Variants in SGO2 observed in about 807,000 individuals in gnomAD.
SGO2 encodes the protein shugoshin-like 2.
In SGO2, 68 loss-of-function variants were observed where a neutral mutation model predicts 99.5. The ratio of observed to expected loss-of-function variants is 0.68; its 90% CI spans 0.56 to 0.84. The LOEUF (loss-of-function observed/expected upper bound fraction) is 0.84, where lower values mean the gene tolerates loss of function less well. Among genes scored for constraint, SGO2 ranks in the 40% least tolerant of loss-of-function variants. SGO2 has a pLI of 0.00. For missense variants in SGO2, 1,350 were observed against 1,436.7 expected, an observed-to-expected ratio of 0.94 and a Z score of 0.97; for synonymous variants, 457 against 487.1, an observed-to-expected ratio of 0.94 and a Z score of 0.81.
intron 5 of SGO2, among the ~76,000 whole-genome samples, chr2:200,564,622 T>A (rs1408739589): frequency 6.6e-6 from 1 of 152,016 alleles, no homozygotes; most frequent in Non-Finnish European, 1.5e-5. Flanking sequence ...TCCTTGTTAA[T>A]TTTCTGTCTC....
chr2:200,549,867 G>T (rs879503936), intron 5 of SGO2, among the ~76,000 whole-genome samples: 21 of 152,114 alleles, frequency 1.4e-4, no homozygotes, highest in African/African-American at 4.3e-4. Flanking sequence ...TGAAGTACTG[G>T]CCAGAGCAAC....
chr2:200,562,191 T>C (rs1288785358), intron 5 of SGO2, among the ~76,000 whole-genome samples: 2 of 152,208 alleles, frequency 1.3e-5, no homozygotes, highest in Non-Finnish European at 2.9e-5. Context: ...TGGTTTTAGG[T>C]CTAACATGTA....
In SGO2 at chr2:200,570,675, CCTGTTGATAGT is replaced by C. The variant is rs2033377455; in HGVS notation, c.704-372_704-362del. On this transcript the variant is annotated intron_variant, in intron 6 of 8. Coordinates refer to ENST00000357799, the MANE Select transcript of SGO2 (RefSeq NM_152524.6). The surrounding 1 kb of genome is among the most constrained non-coding windows in gnomAD (Gnocchi z 4.4). Reference sequence around the variant, plus strand: ...ATATAATTTATATAAATTTTAGCTGCCTGTTGATAGTCTTTGATAGCAATCCTTTTCAGAGC... The same window carrying C: ...ATATAATTTATATAAATTTTAGCTGCCTTTGATAGCAATCCTTTTCAGAGC... 6.6e-6 allele frequency among the ~76,000 whole-genome samples: 1 copy of C among 151,036 alleles called. No individual in the cohort carries two copies. The highest frequency in any genetic ancestry group is 1.5e-5 in the Non-Finnish European group (1 of 67,694).
At chr2:200,542,089 G>C (rs930771262) in intron 4 of SGO2, among the ~76,000 whole-genome samples, 1 of 151,884 alleles carries the variant, frequency 6.6e-6, no homozygotes, top group Non-Finnish European at 1.5e-5. Context: ...AAAAAACATG[G>C]TTGTGTGTTG....
chr2:200,537,248 C>T (rs952738400), intron 4 of SGO2, among the ~76,000 whole-genome samples: 4 of 152,196 alleles, frequency 2.6e-5, no homozygotes, highest in African/African-American at 9.6e-5. Flanking sequence ...TTTTCCCTCC[C>T]TTCTGGATTA....
intron 1 of SGO2, among the ~76,000 whole-genome samples, chr2:200,529,082 CTG>C (rs2031240609): frequency 6.6e-6 from 1 of 152,118 alleles, no homozygotes; most frequent in African/African-American, 2.4e-5. Flanking sequence ...TCAAGAGAGA[CTG>C]GGAGGAGATA....
chr2:200,535,606 T>C (rs953329734), intron 3 of SGO2, among the ~76,000 whole-genome samples: 2 of 152,144 alleles, frequency 1.3e-5, no homozygotes, highest in Non-Finnish European at 2.9e-5. Flanking sequence ...ATTTCAACTC[T>C]GTTCACAGAC....
chr2:200,561,990 C>T (rs1489660212), intron 5 of SGO2, among the ~76,000 whole-genome samples: 1 of 152,098 alleles, frequency 6.6e-6, no homozygotes, highest in African/African-American at 2.4e-5. Flanking sequence ...CAAAAATTTT[C>T]TCCCATTTTG....
In SGO2 at chr2:200,572,461, A is replaced by T; in HGVS notation, c.2115A>T (p.Glu705Asp). The change falls in exon 7 of 9, where the codon GAA becomes GAT. Residue 705 changes from glutamate to aspartate, a missense_variant. Glu to Asp is a conservative substitution (Grantham distance 45, BLOSUM62 2). Transcript: ENST00000357799. ...ATATGTACCCCGTTCAGCAAAATGA[A>T]TCAAAAGTTAATAAGAAGCTTAGGC... ...ITNMYPVQQN[E>D]SKVNKKLRQK... The T allele has an allele frequency of 6.2e-7, 1 of 1,613,306 alleles. No homozygotes were observed. The highest frequency in any genetic ancestry group is 8.5e-7 in the Non-Finnish European group (1 of 1,179,548).
chr2:200,533,897 T>G lies in SGO2; in HGVS notation c.133+789T>G, dbSNP rs551600357. On this transcript the variant is annotated intron_variant, in intron 2 of 8. Coordinates refer to ENST00000357799, the MANE Select transcript of SGO2 (RefSeq NM_152524.6). ...CTTACACTGGCTCTTGCTTACTCCCTTTGGCAAGACTATTCCACACCCCCT... is the reference window on the plus strand; with the variant it reads ...CTTACACTGGCTCTTGCTTACTCCCGTTGGCAAGACTATTCCACACCCCCT... Among the ~76,000 whole-genome samples, 23 of 152,248 alleles carry G rather than the reference T, an allele frequency of 1.5e-4. No individual in the cohort carries two copies. In the South Asian group the frequency reaches 4.6e-3, roughly 30 times the overall value.
chr2:200,538,533 T>C (rs989306196), intron 4 of SGO2, among the ~76,000 whole-genome samples: 2 of 152,224 alleles, frequency 1.3e-5, no homozygotes, highest in African/African-American at 4.8e-5. Context: ...TTATTGTTCA[T>C]CCCATCAGAA....
chr2:200,579,225 A>G (rs2033760566), intron 8 of SGO2, among the ~76,000 whole-genome samples: 1 of 152,178 alleles, frequency 6.6e-6, no homozygotes, highest in South Asian at 2.1e-4. Context: ...GTCAGTTTAT[A>G]TCTTGTTACT....
intron 5 of SGO2, among the ~76,000 whole-genome samples, chr2:200,546,619 C>T (rs1044642343): frequency 6.6e-5 from 10 of 151,570 alleles, no homozygotes; most frequent in African/African-American, 2.4e-4. Context: ...CAGTGATCTC[C>T]AAGATAACAA....
Position 200,573,020 on chromosome 2 carries a change from G to C in SGO2, c.2674G>C (p.Asp892His). ...ATTGGAGTTGAAAAAGTATGTTACT[G>C]ATAGGAAATCTGCTGAGCAAAATGA... The part of the protein sequence containing the change: ...NILELKKYVT[D>H]RKSAEQNESK... Residue 892 changes from aspartate (D) to histidine (H), a missense_variant, in exon 7 of 9, where the codon GAT becomes CAT. Coordinates refer to ENST00000357799, the MANE Select transcript of SGO2 (RefSeq NM_152524.6). The C allele has an allele frequency of 6.4e-7, 1 of 1,570,920 alleles. No individual in the cohort carries two copies. Among genetic ancestry groups the C allele is most frequent in the Non-Finnish European group, 8.6e-7 (1 of 1,165,442 alleles).
Position 200,534,839 on chromosome 2 carries a change from G to A in SGO2, c.134-157G>A, listed in dbSNP as rs549280981. Among the ~76,000 whole-genome samples the A allele has an allele frequency of 1.1e-3, 171 of 151,648 alleles. 1 individual carries two copies. Among genetic ancestry groups the A allele is most frequent in the African/African-American group, 4.0e-3 (165 of 41,308 alleles). The stretch of plus-strand genomic sequence containing the variant: ...TTCATTTCCTCACCTCTAAACTCTG[G>A]GTTTATTTTTCTCAAAACTACATCT... On this transcript the variant is annotated intron_variant, in intron 2 of 8. Coordinates refer to ENST00000357799, the MANE Select transcript of SGO2 (RefSeq NM_152524.6).
chr2:200,560,805 T>C (rs2032911261), intron 5 of SGO2, among the ~76,000 whole-genome samples: 1 of 152,208 alleles, frequency 6.6e-6, no homozygotes, highest in South Asian at 2.1e-4. Context: ...CCTCAATTTT[T>C]GAAAGAGTTT....
At chr2:200,530,031 T>C (rs1325029486) in intron 1 of SGO2, among the ~76,000 whole-genome samples, 1 of 152,200 alleles carries the variant, frequency 6.6e-6, no homozygotes, top group Non-Finnish European at 1.5e-5. Context: ...GTGGCCAGTA[T>C]GGCCTGAGGG....
chr2:200,542,876 T>A, intron 5 of SGO2: 1 of 380,810 alleles, frequency 2.6e-6, no homozygotes, highest in Non-Finnish European at 4.8e-6. Flanking sequence ...TTATTTGTAA[T>A]GTCTTGCTAC....
chr2:200,545,681 A>G (rs543853989), intron 5 of SGO2, among the ~76,000 whole-genome samples: 171 of 152,280 alleles, frequency 1.1e-3, no homozygotes, highest in Middle Eastern at 0.01. Flanking sequence ...GCACTTCCAC[A>G]TGTGCAATGC....
Sources: allele counts gnomAD v4.1 joint callset (sites outside exome capture counted in the v4.1 genomes callset), GRCh38; gene constraint gnomAD v4.1.1; non-coding constraint Gnocchi (gnomAD v3.1); transcripts MANE v1.5; gene names NCBI Gene and HGNC (gene_info 2026-07-23, HGNC 2026-07-21).